IQCJ: variants seen among roughly 807,000 people sequenced by gnomAD.
IQCJ encodes IQ domain-containing protein J.
Under a neutral mutation model 11.0 loss-of-function variants are expected in IQCJ, and 9 were observed. That is an observed-to-expected ratio of 0.82 (90% confidence interval 0.49 to 1.43). The LOEUF (loss-of-function observed/expected upper bound fraction) is 1.43. Among genes scored for constraint, IQCJ ranks in the 40% most tolerant of loss-of-function variants. IQCJ has a pLI of 0.00. For missense variants in IQCJ, 146 were observed against 133.2 expected (o/e 1.10, Z -0.47); for synonymous variants, 55 against 51.3 (o/e 1.07, Z -0.31).
At chr3:159,218,598 A>G (rs899736471) in intron 1 of IQCJ, among the ~76,000 whole-genome samples, 10 of 152,258 alleles carry the variant, frequency 6.6e-5, no homozygotes, top group South Asian at 2.1e-4. Flanking sequence ...TTGAAACTCC[A>G]TAGGTGACCA....
In IQCJ at chr3:159,252,853, T is replaced by C. The variant is rs73877574; in HGVS notation, c.155+46T>C. 2,665 of 1,560,442 alleles carry C rather than the reference T, an allele frequency of 1.7e-3. 41 individuals are homozygous for C. The African/African-American group carries it at 0.032, about 19-fold the overall frequency. On this transcript the variant is annotated intron_variant, in intron 3 of 3. Transcript: ENST00000397832. ...AATTAAGCAATTAGTTCTAGTTTTA[T>C]GAATTCCTGAATAAATCTGGAATTT...
chr3:159,181,950 G>C (rs1201729836), intron 1 of IQCJ, among the ~76,000 whole-genome samples: 1 of 143,514 alleles, frequency 7.0e-6, no homozygotes, highest in Non-Finnish European at 1.5e-5. Context: ...TTCCTTTAAA[G>C]TGTCTCTCTT....
chr3:159,223,785 T>G (rs1279465342), intron 1 of IQCJ, among the ~76,000 whole-genome samples: 2 of 152,088 alleles, frequency 1.3e-5, no homozygotes, highest in East Asian at 3.9e-4. Context: ...ATGCCACAAG[T>G]GGAAAATTCT....
At chr3:159,127,630 C>T (rs1341289974) in intron 1 of IQCJ, among the ~76,000 whole-genome samples, 2 of 152,152 alleles carry the variant, frequency 1.3e-5, no homozygotes, top group Non-Finnish European at 2.9e-5. Context: ...AATGACTGTT[C>T]CTGGACACAG....
intron 1 of IQCJ, among the ~76,000 whole-genome samples, chr3:159,162,668 A>G (rs949867817): frequency 2.0e-5 from 3 of 152,190 alleles, no homozygotes; most frequent in African/African-American, 4.8e-5. Flanking sequence ...AAATTGATAG[A>G]CCACTAGCAA....
intron 1 of IQCJ, among the ~76,000 whole-genome samples, chr3:159,229,038 A>T (rs1726031654): frequency 1.3e-5 from 2 of 152,212 alleles, no homozygotes; most frequent in African/African-American, 4.8e-5. Context: ...CAGTGGTGTT[A>T]TAGCCTCATC....
intron 3 of IQCJ, among the ~76,000 whole-genome samples, chr3:159,257,706 G>GAT (rs1727976605): frequency 6.6e-6 from 1 of 152,222 alleles, no homozygotes; most frequent in Non-Finnish European, 1.5e-5. Flanking sequence ...ATGCAAATAT[G>GAT]ATATATCTGT....
chr3:159,129,706 A>T (rs1437548915), intron 1 of IQCJ, among the ~76,000 whole-genome samples: 1 of 152,212 alleles, frequency 6.6e-6, no homozygotes, highest in Non-Finnish European at 1.5e-5. Flanking sequence ...AGAAACATTT[A>T]AAAATTGTTT....
chr3:159,089,063 G>T (rs191825991), intron 1 of IQCJ, among the ~76,000 whole-genome samples: 326 of 152,210 alleles, frequency 2.1e-3, no homozygotes, highest in Middle Eastern at 0.017. Context: ...GGTACCGGTT[G>T]TTCCTTTACA....
chr3:159,265,255 C>G (rs1266754095), downstream of IQCJ: 1 of 1,613,814 alleles, frequency 6.2e-7, no homozygotes, highest in South Asian at 1.1e-5. Context: ...CCTTACATCT[C>G]TTGGAGGTTG....
chr3:159,096,151 C>T (rs1306257841), intron 1 of IQCJ, among the ~76,000 whole-genome samples: 1 of 90,836 alleles, frequency 1.1e-5, no homozygotes. Context: ...TTTTTGGCTG[C>T]ATAAATGTCT....
intron 1 of IQCJ, among the ~76,000 whole-genome samples, chr3:159,232,433 G>T (rs1272770684): frequency 6.8e-6 from 1 of 147,272 alleles, no homozygotes; most frequent in Non-Finnish European, 1.5e-5. Flanking sequence ...TCCGTGTAGT[G>T]CCGTTTTGAG....
chr3:159,196,807 C>T (rs999708112), intron 1 of IQCJ, among the ~76,000 whole-genome samples: 3 of 152,174 alleles, frequency 2.0e-5, no homozygotes, highest in African/African-American at 7.2e-5. Flanking sequence ...GAGCTAGGAA[C>T]TAGCAGAGCT....
intron 1 of IQCJ, among the ~76,000 whole-genome samples, chr3:159,108,455 T>G (rs866336515): frequency 3.9e-5 from 6 of 152,198 alleles, no homozygotes; most frequent in Non-Finnish European, 7.3e-5. Flanking sequence ...GGTATTTAAT[T>G]TCTTGGATCA....
chr3:159,089,214 A>C (rs1001613694), intron 1 of IQCJ, among the ~76,000 whole-genome samples: 3 of 152,110 alleles, frequency 2.0e-5, no homozygotes, highest in African/African-American at 7.2e-5. Flanking sequence ...TCTGGGTTGA[A>C]AATTCTTTTC....
At chr3:159,091,678 A>G (rs1044260755) in intron 1 of IQCJ, among the ~76,000 whole-genome samples, 876 of 70,932 alleles carry the variant, frequency 0.012, 35 homozygotes, top group African/African-American at 0.046. Flanking sequence ...ACGCATGCAC[A>G]CACACACACA....
chr3:159,170,481 C>T (rs552515212), intron 1 of IQCJ, among the ~76,000 whole-genome samples: 5 of 152,226 alleles, frequency 3.3e-5, no homozygotes, highest in African/African-American at 1.2e-4. Flanking sequence ...TCAGTTTTGG[C>T]CGGTTTGCTA....
At chr3:159,149,390 T>C (rs1721082938) in intron 1 of IQCJ, among the ~76,000 whole-genome samples, 1 of 152,240 alleles carries the variant, frequency 6.6e-6, no homozygotes, top group South Asian at 2.1e-4. Context: ...AGATATTAGA[T>C]GTGAACAGCT....
At chr3:159,258,693 A>G (rs1014960223) in intron 3 of IQCJ, among the ~76,000 whole-genome samples, 6 of 152,202 alleles carry the variant, frequency 3.9e-5, no homozygotes, top group Admixed American at 6.5e-5. Context: ...TGAATTTTTT[A>G]TAATTGTTTG....
Sources: gnomAD v4.1 joint callset for allele counts (sites outside exome capture counted in the v4.1 genomes callset) on GRCh38, gnomAD v4.1.1 for gene constraint, MANE v1.5 for transcripts, NCBI Gene and HGNC (gene_info 2026-07-23, HGNC 2026-07-21) for gene names.